Variants in MEIG1 observed in about 807,000 individuals in gnomAD.
MEIG1 encodes meiosis expressed gene 1 protein homolog.
MEIG1 carries 12 observed loss-of-function variants against 11.3 expected under a neutral mutation model. The ratio of observed to expected loss-of-function variants is 1.07; its 90% CI spans 0.68 to 1.73. The LOEUF (loss-of-function observed/expected upper bound fraction) is 1.73. Among genes scored for constraint, MEIG1 ranks in the 40% most tolerant of loss-of-function variants. The pLI, the probability that MEIG1 is intolerant of heterozygous loss-of-function variation, is 0.00. For synonymous variants in MEIG1, 41 were observed against 33.2 expected (o/e 1.24, Z -0.81); for missense variants, 119 against 104.9 (o/e 1.13, Z -0.59).
At chr10:14,986,180 C>G (rs1430644167) in intron 1 of MEIG1, among the ~76,000 whole-genome samples, 1 of 152,068 alleles carries the variant, frequency 6.6e-6, no homozygotes, top group South Asian at 2.1e-4. Context: ...ACAACATTAG[C>G]TGGGCGTGCT....
chr10:14,960,066 CTT>C (rs1283601434), intron 1 of MEIG1, among the ~76,000 whole-genome samples: 5 of 152,186 alleles, frequency 3.3e-5, no homozygotes, highest in Admixed American at 3.3e-4. Context: ...CCGCTTTTGT[CTT>C]TCAAATGAAC....
intron 1 of MEIG1, among the ~76,000 whole-genome samples, chr10:14,980,995 C>A (rs962234821): frequency 5.3e-5 from 8 of 152,116 alleles, no homozygotes; most frequent in Non-Finnish European, 1.2e-4. Flanking sequence ...GGCCTGTAGA[C>A]CTTGGTCTGT....
Position 14,966,516 on chromosome 10 carries a change from A to T in MEIG1, c.48A>T (p.Lys16Asn). Residue 16 changes from lysine (K) to asparagine (N), a missense_variant, in exon 2 of 3, where the codon AAA becomes AAT. Physicochemically the swap from Lys to Asn is moderately conservative, Grantham distance 94. Transcript: ENST00000407572. Reference sequence around the variant, plus strand: ...CAAAATCAGTAAGTCATGCCAAAAAATGGTCAGAAGAGATAGAAAATCTGT... The same window carrying T: ...CAAAATCAGTAAGTCATGCCAAAAATTGGTCAGAAGAGATAGAAAATCTGT... ...VKPKSVSHAK[K>N]WSEEIENLYR... 1 of 1,612,792 alleles carries T rather than the reference A, an allele frequency of 6.2e-7. No homozygotes were observed. Among genetic ancestry groups the T allele is most frequent in the Non-Finnish European group, 8.5e-7 (1 of 1,179,426 alleles).
intron 2 of MEIG1, chr10:14,970,568 G>A (rs1843137041): frequency 6.6e-6 from 1 of 152,234 alleles, no homozygotes; most frequent in Non-Finnish European, 1.5e-5. Context: ...CACACAGGCA[G>A]GTGTGGCCTC....
At chr10:14,977,550 A>G (rs1843222119), downstream of MEIG1, among the ~76,000 whole-genome samples, 1 of 151,736 alleles carries the variant, frequency 6.6e-6, no homozygotes, top group African/African-American at 2.4e-5. Context: ...AATCTTATAG[A>G]GAGATATTAC....
chr10:14,977,849 A>G (rs1438262693), downstream of MEIG1, among the ~76,000 whole-genome samples: 2 of 151,848 alleles, frequency 1.3e-5, no homozygotes, highest in Non-Finnish European at 2.9e-5. Context: ...CTAGGGAGGT[A>G]TTCCTTCTAA....
At chr10:14,955,089 G>A (rs895336059), upstream of MEIG1, among the ~76,000 whole-genome samples, 2 of 152,090 alleles carry the variant, frequency 1.3e-5, no homozygotes, top group Non-Finnish European at 2.9e-5. Flanking sequence ...GCGCCGCCAC[G>A]CCTGGCTCAT....
chr10:14,958,186 G>T (rs1221494673), upstream of MEIG1, among the ~76,000 whole-genome samples: 1 of 152,182 alleles, frequency 6.6e-6, no homozygotes. Context: ...TGGCAGGGAG[G>T]TGTTTGGGGA....
At chr10:14,987,000 G>A (rs1843325033) in exon 2 of MEIG1, 4 of 665,212 alleles carry the variant, frequency 6.0e-6, no homozygotes, top group Admixed American at 2.3e-5. Flanking sequence ...ACACCAAAAC[G>A]AAGAAGACAC....
chr10:14,974,503 A>C (rs1292997172), downstream of MEIG1, among the ~76,000 whole-genome samples: 1 of 152,052 alleles, frequency 6.6e-6, no homozygotes, highest in African/African-American at 2.4e-5. Context: ...CTATCCCAGT[A>C]TACCGCTGCT....
intron 2 of MEIG1, chr10:14,987,150 C>T: frequency 2.2e-6 from 2 of 892,824 alleles, no homozygotes; most frequent in Non-Finnish European, 3.5e-6. Flanking sequence ...AGGCAGCCCG[C>T]ATGAGAGATG....
At chr10:14,955,260 A>C (rs1324161104), upstream of MEIG1, among the ~76,000 whole-genome samples, 3 of 152,210 alleles carry the variant, frequency 2.0e-5, no homozygotes, top group Admixed American at 1.3e-4. Flanking sequence ...CACTTTGTGC[A>C]CAGCACTGTG....
chr10:14,960,721 G>A (rs1196253922), intron 1 of MEIG1, among the ~76,000 whole-genome samples: 1 of 151,710 alleles, frequency 6.6e-6, no homozygotes, highest in Non-Finnish European at 1.5e-5. Context: ...CCGAGATGGT[G>A]TGTTTTTAAA....
chr10:14,976,044 G>C (rs1843206118), downstream of MEIG1, among the ~76,000 whole-genome samples: 1 of 152,096 alleles, frequency 6.6e-6, no homozygotes, highest in African/African-American at 2.4e-5. Flanking sequence ...CTAATATCCA[G>C]GGGGGGACCG....
chr10:14,966,211 GCAC>G (rs1843081959), intron 1 of MEIG1, among the ~76,000 whole-genome samples: 1 of 151,728 alleles, frequency 6.6e-6, no homozygotes. Context: ...TGACAGGCGT[GCAC>G]CACCATGCCT....
At chr10:14,968,985 G>A (rs1843119652) in intron 2 of MEIG1, among the ~76,000 whole-genome samples, 1 of 152,276 alleles carries the variant, frequency 6.6e-6, no homozygotes, top group South Asian at 2.1e-4. Context: ...GGCCGAGGCA[G>A]GAGAATCACT....
intron 2 of MEIG1, among the ~76,000 whole-genome samples, chr10:14,968,701 A>G (rs1671270137): frequency 6.6e-6 from 1 of 152,126 alleles, no homozygotes; most frequent in Non-Finnish European, 1.5e-5. Flanking sequence ...CTCTATCCCC[A>G]TTGCCAAGGA....
At chr10:14,968,971 G>A (rs888574250) in intron 2 of MEIG1, among the ~76,000 whole-genome samples, 3 of 152,186 alleles carry the variant, frequency 2.0e-5, no homozygotes, top group East Asian at 1.9e-4. Flanking sequence ...CTAGCTATTC[G>A]GGAGGCCGAG....
At chr10:14,975,696 C>A (rs1292180203), downstream of MEIG1, among the ~76,000 whole-genome samples, 1 of 151,940 alleles carries the variant, frequency 6.6e-6, no homozygotes. Context: ...GAGGATAACC[C>A]TACTCCCAAT....
Sources: gnomAD v4.1 joint callset for allele counts (sites outside exome capture counted in the v4.1 genomes callset) on GRCh38, gnomAD v4.1.1 for gene constraint, MANE v1.5 for transcripts, NCBI Gene and HGNC (gene_info 2026-07-23, HGNC 2026-07-21) for gene names.